SLC22A24: variants seen among roughly 807,000 people sequenced by gnomAD.
SLC22A24 encodes the protein solute carrier family 22 member 24.
A neutral mutation model predicts 49.8 loss-of-function variants in SLC22A24; 53 were observed. The observed-to-expected ratio is 1.06, with a 90% CI of 0.85 to 1.34. The LOEUF (loss-of-function observed/expected upper bound fraction) is 1.34. Among genes scored for constraint, SLC22A24 ranks in the 40% most tolerant of loss-of-function variants. The probability of loss-of-function intolerance (pLI) is 0.00; values close to 1 mark genes in which losing one functional copy is unlikely to be tolerated. For synonymous variants in SLC22A24, 302 were observed against 256.4 expected (o/e 1.18, Z -1.70); for missense variants, 786 against 675.9 (o/e 1.16, Z -1.81).
chr11:63,083,133 T>C (rs2086968886), intron 7 of SLC22A24, 110 bp downstream of exon 7: 4 of 830,986 alleles, frequency 4.8e-6, no homozygotes, highest in Middle Eastern at 3.6e-4. Flanking sequence ...AGGGAATCTT[T>C]TGGCTGTCAA....
intron 4 of SLC22A24, among the ~76,000 whole-genome samples, chr11:63,113,229 CAT>C (rs200830515): frequency 0.02 from 255 of 12,502 alleles, 64 homozygotes; most frequent in African/African-American, 0.04. Flanking sequence ...TATATATATA[CAT>C]ATATATATAT....
rs192995043 is a variant in SLC22A24 at position 63,081,249 on chromosome 11, G to A, written c.1395-126C>T. ...CTAAACACATGGGCTTTGACAGCAA[G>A]CCCTTAATTGTGACATTTACCTCTG... On this transcript the variant is annotated intron_variant, in intron 8 of 9. Transcript: ENST00000612278. The A allele has an allele frequency of 5.0e-5, 39 of 786,314 alleles. No individual in the cohort carries two copies. The East Asian group carries it at 8.8e-4, about 18-fold the overall frequency. The allele number at this position is 786,314 out of a possible 1,614,324, so 48.7% of individuals were successfully genotyped here. A position where few individuals can be genotyped will look rare whatever the true frequency, so the allele number is the denominator to read the frequency against.
At chr11:63,099,944 A>T (rs2087080652) in intron 5 of SLC22A24, among the ~76,000 whole-genome samples, 2 of 152,202 alleles carry the variant, frequency 1.3e-5, no homozygotes, top group South Asian at 4.1e-4. Flanking sequence ...TAAAAGCCAG[A>T]TATGATAGAC....
chr11:63,142,304 C>A (rs1175260690), intron 1 of SLC22A24, among the ~76,000 whole-genome samples: 1 of 152,108 alleles, frequency 6.6e-6, no homozygotes, highest in East Asian at 1.9e-4. Flanking sequence ...GTCTTCATAG[C>A]CTACATCTTA....
rs2087017087 is a variant in SLC22A24, at chr11:63,090,994, A to AGCT, written c.1070+4994_1070+4996dup. On this transcript the variant is annotated intron_variant, in intron 6 of 9. Coordinates refer to ENST00000612278, the MANE Select transcript of SLC22A24 (RefSeq NM_001136506.2). The stretch of plus-strand genomic sequence containing the variant: ...CCTTCAAATAATCAATGAATCCAGG[A>AGCT]GCTGATTTTTTGAAAAGATTAACAA... 3.9e-5 allele frequency among the ~76,000 whole-genome samples: 6 copies of AGCT among 152,332 alleles called. No individual in the cohort carries two copies. In the South Asian group the frequency reaches 1.2e-3, roughly 32 times the overall value.
intron 2 of SLC22A24, among the ~76,000 whole-genome samples, chr11:63,128,770 C>G (rs1227935857): frequency 6.6e-6 from 1 of 152,200 alleles, no homozygotes; most frequent in Non-Finnish European, 1.5e-5. Context: ...GGCTCACATT[C>G]CTTACCCTGC....
At chr11:63,114,251 C>G (rs957415007) in intron 4 of SLC22A24, among the ~76,000 whole-genome samples, 2 of 152,172 alleles carry the variant, frequency 1.3e-5, no homozygotes, top group African/African-American at 2.4e-5. Context: ...TTCTTAGAAG[C>G]TTTGTTCACT....
intron 2 of SLC22A24, 118 bp from the exon 3 acceptor site, chr11:63,119,453 T>G (rs1159212699): frequency 5.1e-6 from 5 of 972,086 alleles, no homozygotes; most frequent in Admixed American, 6.1e-5. Flanking sequence ...AACATGGTGC[T>G]TGACACCGGG....
intron 9 of SLC22A24, among the ~76,000 whole-genome samples, chr11:63,080,361 A>G (rs1233189697): frequency 6.6e-6 from 1 of 152,220 alleles, no homozygotes; most frequent in Non-Finnish European, 1.5e-5. Flanking sequence ...TCTGTTGCCC[A>G]TGGCAACAAA....
chr11:63,106,146 T>C (rs1216710598), intron 4 of SLC22A24, among the ~76,000 whole-genome samples: 2 of 147,550 alleles, frequency 1.4e-5, no homozygotes, highest in East Asian at 4.1e-4. Flanking sequence ...GTGTTCTCAT[T>C]GTTCAATTCC....
intron 6 of SLC22A24, among the ~76,000 whole-genome samples, chr11:63,094,118 T>G (rs907937632): frequency 6.6e-6 from 1 of 151,100 alleles, no homozygotes; most frequent in Non-Finnish European, 1.5e-5. Context: ...ATTAGGTATA[T>G]CTCCTAATGC....
At chr11:63,084,344 G>A (rs1433135472) in intron 6 of SLC22A24, among the ~76,000 whole-genome samples, 1 of 152,104 alleles carries the variant, frequency 6.6e-6, no homozygotes, top group African/African-American at 2.4e-5. Context: ...GCCTGTATTT[G>A]CTCGCAGGTT....
chr11:63,140,964 C>G (rs926677676), intron 1 of SLC22A24, among the ~76,000 whole-genome samples: 4 of 152,128 alleles, frequency 2.6e-5, no homozygotes, highest in Non-Finnish European at 5.9e-5. Context: ...TGGGTATACA[C>G]AAGTTGGCTA....
intron 2 of SLC22A24, among the ~76,000 whole-genome samples, chr11:63,132,034 T>G: frequency 6.6e-6 from 1 of 152,230 alleles, no homozygotes; most frequent in Non-Finnish European, 1.5e-5. Flanking sequence ...TCATTTCATC[T>G]TCAATCATTG....
At chr11:63,129,167 G>A (rs370438214) in intron 2 of SLC22A24, among the ~76,000 whole-genome samples, 6 of 152,264 alleles carry the variant, frequency 3.9e-5, no homozygotes, top group Middle Eastern at 3.4e-3. Flanking sequence ...GTGTAAGGAA[G>A]GGATCCAGTT....
chr11:63,116,625 G>T (rs536148314), intron 4 of SLC22A24, among the ~76,000 whole-genome samples: 56 of 152,200 alleles, frequency 3.7e-4, no homozygotes, highest in African/African-American at 1.3e-3. Context: ...TGGGTGTGTA[G>T]ATTAATGTTT....
intron 2 of SLC22A24, among the ~76,000 whole-genome samples, chr11:63,132,321 T>C (rs998066501): frequency 1.3e-5 from 2 of 152,238 alleles, no homozygotes; most frequent in African/African-American, 2.4e-5. Context: ...TTTTTTTCCC[T>C]TGCTGGCAAG....
intron 6 of SLC22A24, among the ~76,000 whole-genome samples, chr11:63,088,495 G>A (rs186849503): frequency 6.6e-4 from 100 of 151,822 alleles, no homozygotes; most frequent in Admixed American, 1.8e-3. Flanking sequence ...CAAAAATGCT[G>A]AAAATTGCAA....
At chr11:63,094,796 T>C (rs554527315) in intron 6 of SLC22A24, among the ~76,000 whole-genome samples, 1 of 152,372 alleles carries the variant, frequency 6.6e-6, no homozygotes, top group East Asian at 1.9e-4. Flanking sequence ...GAAGTGTCTG[T>C]TCATATCCTT....
Sources: allele counts gnomAD v4.1 joint callset (sites outside exome capture counted in the v4.1 genomes callset), GRCh38; gene constraint gnomAD v4.1.1; transcripts MANE v1.5; gene names NCBI Gene and HGNC (gene_info 2026-07-23, HGNC 2026-07-21).